MAGI1: variants seen among roughly 807,000 people sequenced by gnomAD.
MAGI1 encodes the protein membrane-associated guanylate kinase, WW and PDZ domain-containing protein 1.
In MAGI1, 58 loss-of-function variants were observed where a neutral mutation model predicts 139.9. The observed-to-expected ratio is 0.41, with a 90% CI of 0.34 to 0.52. The LOEUF (loss-of-function observed/expected upper bound fraction) is 0.52. MAGI1 is among the 20% of genes least tolerant of loss of function. The pLI is 0.12. For missense variants in MAGI1, 1,874 were observed against 1,901.6 expected (o/e 0.99, Z 0.27); for synonymous variants, 812 against 737.9 (o/e 1.10, Z -1.63).
At chr3:65,458,416 T>C (rs186474206) in intron 5 of MAGI1, among the ~76,000 whole-genome samples, 1 of 152,164 alleles carries the variant, frequency 6.6e-6, no homozygotes, top group East Asian at 1.9e-4. Context: ...TTATACTAAT[T>C]TACATTCCCA....
chr3:65,636,557 T>C (rs1351321491), intron 1 of MAGI1, among the ~76,000 whole-genome samples: 4 of 152,196 alleles, frequency 2.6e-5, no homozygotes, highest in African/African-American at 4.8e-5. Context: ...CTATCACATC[T>C]GCCATCCTGG....
chr3:65,429,137 A>C (rs927737371), intron 12 of MAGI1, among the ~76,000 whole-genome samples: 1 of 151,984 alleles, frequency 6.6e-6, no homozygotes, highest in African/African-American at 2.4e-5. Context: ...TATATAAAAA[A>C]ACTTTTTAGA....
intron 2 of MAGI1, among the ~76,000 whole-genome samples, chr3:65,499,662 T>C (rs1211097772): frequency 6.6e-6 from 1 of 152,138 alleles, no homozygotes; most frequent in Non-Finnish European, 1.5e-5. Flanking sequence ...TGCAGTTACC[T>C]GAAGGAATGC....
At chr3:65,931,797 T>C (rs576969224) in intron 1 of MAGI1, among the ~76,000 whole-genome samples, 2 of 152,294 alleles carry the variant, frequency 1.3e-5, no homozygotes, top group South Asian at 2.1e-4. Context: ...TTGAACCCAA[T>C]TGTGGGTTCA....
At chr3:65,754,231 A>T (rs1159249554) in intron 1 of MAGI1, among the ~76,000 whole-genome samples, 3 of 152,204 alleles carry the variant, frequency 2.0e-5, no homozygotes, top group Non-Finnish European at 4.4e-5. Flanking sequence ...TTACCGCAAC[A>T]AAGAATCAAG....
At chr3:65,943,161 T>C (rs1221235160) in intron 1 of MAGI1, among the ~76,000 whole-genome samples, 1 of 152,274 alleles carries the variant, frequency 6.6e-6, no homozygotes, top group African/African-American at 2.4e-5. Context: ...GCATTCGTCG[T>C]GCCAGATTGG....
intron 1 of MAGI1, among the ~76,000 whole-genome samples, chr3:65,933,725 A>G (rs1375372797): frequency 1.3e-5 from 2 of 152,214 alleles, no homozygotes; most frequent in East Asian, 1.9e-4. Context: ...AAGTTACACT[A>G]AATATAGTAT....
chr3:65,529,131 T>TA (rs869176072), intron 2 of MAGI1, among the ~76,000 whole-genome samples: 61 of 45,998 alleles, frequency 1.3e-3, no homozygotes, highest in African/African-American at 2.7e-3. Flanking sequence ...TTTTTTAAAA[T>TA]AAAAAAAAAA....
chr3:65,448,863 G>A (rs1045086133), intron 6 of MAGI1, among the ~76,000 whole-genome samples: 6 of 152,032 alleles, frequency 3.9e-5, no homozygotes, highest in Non-Finnish European at 8.8e-5. Context: ...TTATTGTTGA[G>A]AAGAAAACAT....
At position 65,530,653 on chromosome 3, in the gene MAGI1, G is replaced by A. The variant is rs1380573526; in HGVS notation, c.431-37022C>T. On this transcript the variant is annotated intron_variant, in intron 2 of 22. Coordinates refer to ENST00000402939, the MANE Select transcript of MAGI1 (RefSeq NM_001033057.2). ...TGTGTGTGTGTGTGTGTGTGTGTGT[G>A]TGTGTGTGTATATATATATACATAT... Among the ~76,000 whole-genome samples, 116 of 94,896 alleles carry A rather than the reference G, an allele frequency of 1.2e-3. 3 individuals carry two copies. The highest frequency in any genetic ancestry group is 3.7e-3 in the African/African-American group (94 of 25,072). The allele number at this position is 94,896 out of a possible 152,430, so 62.3% of individuals were successfully genotyped here. A position where few individuals can be genotyped will look rare whatever the true frequency, so the allele number is the denominator to read the frequency against.
intron 1 of MAGI1, among the ~76,000 whole-genome samples, chr3:66,005,459 A>G (rs2066965103): frequency 6.6e-6 from 1 of 152,196 alleles, no homozygotes; most frequent in African/African-American, 2.4e-5. Context: ...TCCCATCAGG[A>G]TAATATCCTC....
chr3:65,429,404 A>G, intron 12 of MAGI1, 116 bp downstream of exon 12: 1 of 1,121,752 alleles, frequency 8.9e-7, no homozygotes, highest in Non-Finnish European at 1.3e-6. Flanking sequence ...ATCAGTAGGC[A>G]TTTTGAAACA....
intron 1 of MAGI1, among the ~76,000 whole-genome samples, chr3:65,716,717 G>A (rs1174209183): frequency 6.6e-6 from 1 of 152,128 alleles, no homozygotes; most frequent in Non-Finnish European, 1.5e-5. Flanking sequence ...TAAAACGAAA[G>A]AATAAACTCT....
intron 1 of MAGI1, among the ~76,000 whole-genome samples, chr3:65,634,232 A>T (rs138415653): frequency 2.6e-3 from 394 of 152,310 alleles, no homozygotes; most frequent in African/African-American, 8.4e-3. Context: ...AAATGTTCAC[A>T]ATCAGAATGA....
intron 1 of MAGI1, among the ~76,000 whole-genome samples, chr3:65,958,124 T>C (rs2064228419): frequency 6.6e-6 from 1 of 152,176 alleles, no homozygotes; most frequent in Non-Finnish European, 1.5e-5. Context: ...CACTGCGATT[T>C]ATGCCCTTCT....
At chr3:65,855,633 G>GACGGGGGAGGAGAGAGGGGAGGGT (rs1323680071) in intron 1 of MAGI1, among the ~76,000 whole-genome samples, 6 of 75,008 alleles carry the variant, frequency 8.0e-5, no homozygotes, top group South Asian at 5.3e-4. Context: ...GAGGGGAGGG[G>GACGGGGGAGGAGAGAGGGGAGGGT]AAGGGAGAAA....
At chr3:65,509,727 AG>A (rs2077481896) in intron 2 of MAGI1, among the ~76,000 whole-genome samples, 1 of 151,814 alleles carries the variant, frequency 6.6e-6, no homozygotes, top group African/African-American at 2.4e-5. Context: ...AGGCTGGGGG[AG>A]GGGCGCCCGC....
chr3:65,768,318 G>T (rs903440553), intron 1 of MAGI1, among the ~76,000 whole-genome samples: 2 of 152,104 alleles, frequency 1.3e-5, no homozygotes, highest in Non-Finnish European at 2.9e-5. Context: ...TACTCAGGGG[G>T]CTGAGGCAGG....
At chr3:65,652,811 T>C (rs1373166818) in intron 1 of MAGI1, among the ~76,000 whole-genome samples, 1 of 152,034 alleles carries the variant, frequency 6.6e-6, no homozygotes, top group Non-Finnish European at 1.5e-5. Context: ...TGGCCACTGG[T>C]TTTCAAGAGA....
Sources: allele counts gnomAD v4.1 joint callset (sites outside exome capture counted in the v4.1 genomes callset), GRCh38; gene constraint gnomAD v4.1.1; transcripts MANE v1.5; gene names NCBI Gene and HGNC (gene_info 2026-07-23, HGNC 2026-07-21).